CCDC150: variants seen among roughly 807,000 people sequenced by gnomAD.
CCDC150 encodes the protein coiled-coil domain-containing protein 150.
Under a neutral mutation model 156.5 loss-of-function variants are expected in CCDC150, and 151 were observed. The ratio of observed to expected loss-of-function variants is 0.97; its 90% CI spans 0.85 to 1.10. The LOEUF is 1.10. Ranked by LOEUF, CCDC150 falls within the 50% of genes least tolerant of loss-of-function variation. The pLI, the probability that CCDC150 is intolerant of heterozygous loss-of-function variation, is 0.00. For synonymous variants in CCDC150, 452 were observed against 429.4 expected (o/e 1.05, Z -0.65); for missense variants, 1,312 against 1,268.1 (o/e 1.03, Z -0.53).
rs1199770615 is a variant in CCDC150 at position 196,721,353 on chromosome 2, C to CATATATATATATATATATATATAT, written c.2260-153_2260-152insATATATATATATATATATATATAT. 1.5e-5 allele frequency among the ~76,000 whole-genome samples: 2 copies of CATATATATATATATATATATATAT among 133,112 alleles called. 1 individual carries two copies. Among genetic ancestry groups the CATATATATATATATATATATATAT allele is most frequent in the East Asian group, 4.9e-4 (2 of 4,080 alleles). The allele number at this position is 133,112 out of a possible 152,430, so 87.3% of individuals were successfully genotyped here. A position where few individuals can be genotyped will look rare whatever the true frequency, so the allele number is the denominator to read the frequency against. On this transcript the variant is annotated intron_variant, in intron 20 of 27. Transcript: ENST00000389175. ...GAGTTCTCATTCATATATGTGTGTGCATATATATATATATATTTTCCAGGC... is the reference window on the plus strand; with the variant it reads ...GAGTTCTCATTCATATATGTGTGTGCATATATATATATATATATATATATATATATATATATATATTTTCCAGGC...
intron 17 of CCDC150, among the ~76,000 whole-genome samples, chr2:196,716,612 G>A (rs1254707991): frequency 6.6e-6 from 1 of 152,150 alleles, no homozygotes; most frequent in African/African-American, 2.4e-5. Context: ...TGGGAATAGA[G>A]AGAGACAGAA....
At chr2:196,642,673 C>T (rs1692299240) in intron 1 of CCDC150, among the ~76,000 whole-genome samples, 1 of 152,146 alleles carries the variant, frequency 6.6e-6, no homozygotes, top group African/African-American at 2.4e-5. Flanking sequence ...TTTTTGTTTT[C>T]CCATGGCGGG....
At chr2:196,670,664 TC>T in intron 8 of CCDC150, among the ~76,000 whole-genome samples, 4 of 152,150 alleles carry the variant, frequency 2.6e-5, no homozygotes, top group Admixed American at 2.6e-4. Flanking sequence ...TTGAATGTGT[TC>T]CTTTGAAGTC....
At chr2:196,646,120 C>T (rs1189738378) in intron 1 of CCDC150, among the ~76,000 whole-genome samples, 2 of 152,130 alleles carry the variant, frequency 1.3e-5, no homozygotes, top group Non-Finnish European at 2.9e-5. Context: ...GAAAGTCCTA[C>T]CTGGGATGTT....
intron 14 of CCDC150, among the ~76,000 whole-genome samples, chr2:196,700,420 GC>G (rs1696128956): frequency 6.6e-6 from 1 of 152,066 alleles, no homozygotes; most frequent in African/African-American, 2.4e-5. Flanking sequence ...ACTTAATGGT[GC>G]CCCTCATATA....
intron 5 of CCDC150, among the ~76,000 whole-genome samples, chr2:196,659,863 A>G (rs563901773): frequency 6.6e-6 from 1 of 152,184 alleles, no homozygotes; most frequent in African/African-American, 2.4e-5. Context: ...TTCACTATTC[A>G]TCATGCTGTA....
intron 13 of CCDC150, among the ~76,000 whole-genome samples, chr2:196,686,697 G>A (rs1034973438): frequency 6.6e-6 from 1 of 151,868 alleles, no homozygotes; most frequent in Non-Finnish European, 1.5e-5. Flanking sequence ...TGTGTGTTAC[G>A]GGGATTTGTT....
chr2:196,696,883 G>A (rs1458621757), intron 14 of CCDC150, among the ~76,000 whole-genome samples: 1 of 152,162 alleles, frequency 6.6e-6, no homozygotes, highest in African/African-American at 2.4e-5. Flanking sequence ...ACTGTGTGTT[G>A]TGTGTGTAAC....
intron 19 of CCDC150, 28 bp from the exon 20 acceptor site, chr2:196,720,547 T>A (rs368947662): frequency 1.3e-6 from 2 of 1,581,338 alleles, no homozygotes; most frequent in Non-Finnish European, 1.7e-6. Context: ...TTTTCTGTAG[T>A]CACTCTTTTT....
intron 17 of CCDC150, among the ~76,000 whole-genome samples, chr2:196,714,816 A>G (rs943967944): frequency 1.3e-5 from 2 of 152,160 alleles, no homozygotes; most frequent in Non-Finnish European, 2.9e-5. Context: ...ATACTGATAT[A>G]TACATACACT....
chr2:196,676,189 T>C lies in CCDC150; in HGVS notation c.1184T>C (p.Leu395Ser), dbSNP rs78494199. The part of the protein sequence containing the change: ...MTQTFQEQNL[L>S]LDAAHASITN... ...CAGACATTTCAAGAACAAAACTTAT[T>C]GCTGGATGCAGCCCATGCCAGTATC... The change falls in exon 11 of 28, where the codon TTG becomes TCG. Residue 395 changes from leucine (L) to serine (S), a missense_variant. Leu to Ser is a moderately radical substitution (Grantham distance 145, BLOSUM62 -2). Transcript: ENST00000389175. 2,363 of 1,613,670 alleles carry C rather than the reference T, an allele frequency of 1.5e-3. 18 individuals carry two copies. The East Asian group carries it at 0.021, about 14-fold the overall frequency.
At chr2:196,694,428 G>A (rs147978057) in intron 13 of CCDC150, among the ~76,000 whole-genome samples, 1 of 152,104 alleles carries the variant, frequency 6.6e-6, no homozygotes, top group Non-Finnish European at 1.5e-5. Flanking sequence ...TTAACTTATA[G>A]TAAAGGGGAA....
chr2:196,725,024 A>G (rs1015257822), intron 21 of CCDC150, among the ~76,000 whole-genome samples: 2 of 152,166 alleles, frequency 1.3e-5, no homozygotes, highest in African/African-American at 4.8e-5. Context: ...TGCAAGTCTC[A>G]TGTATAGACC....
intron 2 of CCDC150, among the ~76,000 whole-genome samples, chr2:196,647,323 AT>A (rs973210971): frequency 6.6e-6 from 1 of 152,088 alleles, no homozygotes; most frequent in East Asian, 1.9e-4. Flanking sequence ...AACATTTAAC[AT>A]TTTTATGCAT....
At chr2:196,666,922 A>C in intron 7 of CCDC150, 74 bp downstream of exon 7, 1 of 1,538,824 alleles carries the variant, frequency 6.5e-7, no homozygotes, top group Non-Finnish European at 9.0e-7. Flanking sequence ...TTAAGATCCC[A>C]AATTCTTAAA....
chr2:196,688,725 A>C (rs1319437602), intron 13 of CCDC150, among the ~76,000 whole-genome samples: 7 of 151,750 alleles, frequency 4.6e-5, no homozygotes, highest in South Asian at 4.2e-4. Flanking sequence ...GTTTCTTTTG[A>C]TGTGCAGAAG....
intron 15 of CCDC150, among the ~76,000 whole-genome samples, chr2:196,706,061 T>C (rs1291668059): frequency 6.6e-6 from 1 of 152,188 alleles, no homozygotes; most frequent in Non-Finnish European, 1.5e-5. Context: ...ATATGAACTT[T>C]AAAGTAGTGA....
intron 13 of CCDC150, among the ~76,000 whole-genome samples, chr2:196,693,303 A>T (rs940515908): frequency 6.6e-6 from 1 of 152,150 alleles, no homozygotes; most frequent in African/African-American, 2.4e-5. Context: ...GAACATGATT[A>T]TCTCTCTGTT....
At chr2:196,696,665 A>G (rs947744539) in intron 14 of CCDC150, among the ~76,000 whole-genome samples, 7 of 152,348 alleles carry the variant, frequency 4.6e-5, no homozygotes, top group Admixed American at 4.6e-4. Flanking sequence ...GTCTCTGACC[A>G]TGCCTGCCTG....
Sources: gnomAD v4.1 joint callset for allele counts (sites outside exome capture counted in the v4.1 genomes callset) on GRCh38, gnomAD v4.1.1 for gene constraint, MANE v1.5 for transcripts, NCBI Gene and HGNC (gene_info 2026-07-23, HGNC 2026-07-21) for gene names.